Variants in LRSAM1 observed in about 807,000 individuals in gnomAD.
The protein encoded by LRSAM1 is E3 ubiquitin-protein ligase LRSAM1.
A neutral mutation model predicts 118.1 loss-of-function variants in LRSAM1; 96 were observed. That is an observed-to-expected ratio of 0.81 (90% CI 0.69 to 0.96). LRSAM1 has a LOEUF of 0.96. LRSAM1 is among the 40% of genes least tolerant of loss of function. The pLI is 0.00. For missense variants in LRSAM1, 804 were observed against 915.5 expected (o/e 0.88, Z 1.57); for synonymous variants, 322 against 364.2 (o/e 0.88, Z 1.32).
chr9:127,493,906 C>T (rs568415967), intron 21 of LRSAM1, among the ~76,000 whole-genome samples: 29 of 152,218 alleles, frequency 1.9e-4, no homozygotes, highest in Non-Finnish European at 3.8e-4. Flanking sequence ...CGTCCTAGGC[C>T]GGGTCCTGTG....
chr9:127,455,528 A>G (rs1834484780), intron 4 of LRSAM1, 48 bp from the exon 5 acceptor site: 2 of 1,597,048 alleles, frequency 1.3e-6, no homozygotes, highest in African/African-American at 2.7e-5. Flanking sequence ...AGAACAAGCT[A>G]AAAACTGGCA....
At chr9:127,484,536 T>G (rs1373975649) in intron 16 of LRSAM1, among the ~76,000 whole-genome samples, 1 of 151,614 alleles carries the variant, frequency 6.6e-6, no homozygotes, top group Non-Finnish European at 1.5e-5. Context: ...CTAATTTTTT[T>G]TTTTTTTGAG....
At chr9:127,488,675 C>T (rs776726818) in intron 18 of LRSAM1, among the ~76,000 whole-genome samples, 7 of 151,750 alleles carry the variant, frequency 4.6e-5, no homozygotes, top group South Asian at 2.1e-4. Flanking sequence ...TTCACTGCAG[C>T]CTCAAACTCC....
At chr9:127,499,962 A>AAAAT (rs1295994959) in intron 24 of LRSAM1, among the ~76,000 whole-genome samples, 1 of 152,062 alleles carries the variant, frequency 6.6e-6, no homozygotes, top group African/African-American at 2.4e-5. Flanking sequence ...CCTGTTATAA[A>AAAAT]AAATAATGCT....
Position 127,495,952 on chromosome 9 carries a change from T to C in LRSAM1, c.1699-12T>C. ...TTCCTTCCTGCTCATGGTACACGTT[T>C]CTGTCTTGCAGGAAGAGGGGATGGA... is the stretch of plus-strand genomic sequence containing the variant. On this transcript the variant is annotated splice_polypyrimidine_tract_variant and intron_variant, in intron 22 of 25. Coordinates refer to ENST00000300417, the MANE Select transcript of LRSAM1 (RefSeq NM_001005373.4). 6.2e-6 allele frequency: 10 copies of C among 1,612,386 alleles called. No individual in the cohort carries two copies. Among genetic ancestry groups the C allele is most frequent in the Non-Finnish European group, 8.5e-6 (10 of 1,179,892 alleles).
At chr9:127,475,053 A>ATTT (rs1320132200) in intron 11 of LRSAM1, among the ~76,000 whole-genome samples, 3 of 150,902 alleles carry the variant, frequency 2.0e-5, no homozygotes, top group East Asian at 1.9e-4. Flanking sequence ...GGATTTTATT[A>ATTT]TTATTATTAT....
chr9:127,470,676 G>A (rs576404812), intron 10 of LRSAM1, among the ~76,000 whole-genome samples: 5 of 152,160 alleles, frequency 3.3e-5, no homozygotes, highest in Middle Eastern at 3.4e-3. Context: ...GATACCACAC[G>A]GCAAGTGGAA....
intron 24 of LRSAM1, among the ~76,000 whole-genome samples, chr9:127,499,147 A>G (rs1338646412): frequency 6.6e-6 from 1 of 151,618 alleles, no homozygotes; most frequent in Non-Finnish European, 1.5e-5. Flanking sequence ...CCTACGTGGG[A>G]GGATCACTCA....
intron 24 of LRSAM1, among the ~76,000 whole-genome samples, chr9:127,500,374 A>AAAAAAAG (rs1306368505): frequency 1.3e-5 from 2 of 150,634 alleles, no homozygotes; most frequent in South Asian, 2.1e-4. Flanking sequence ...AAAAAAAAAA[A>AAAAAAAG]AGAGACTTAG....
chr9:127,497,073 C>T (rs1836174384), intron 23 of LRSAM1, among the ~76,000 whole-genome samples, 180 bp from the exon 24 acceptor site: 1 of 152,258 alleles, frequency 6.6e-6, no homozygotes, highest in South Asian at 2.1e-4. Flanking sequence ...AGGTTGCCCT[C>T]ACAGCTATGG....
At chr9:127,476,120 G>A (rs571426958) in intron 11 of LRSAM1, among the ~76,000 whole-genome samples, 1 of 152,322 alleles carries the variant, frequency 6.6e-6, no homozygotes, top group South Asian at 2.1e-4. Flanking sequence ...ATGCTTGCAT[G>A]AGGAGACATT....
intron 11 of LRSAM1, among the ~76,000 whole-genome samples, chr9:127,475,553 G>A (rs760948810): frequency 3.6e-4 from 55 of 151,998 alleles, no homozygotes; most frequent in Non-Finnish European, 7.2e-4. Context: ...CAGAGGAGAG[G>A]CATGTTAAGT....
At position 127,474,260 on chromosome 9, in the gene LRSAM1, C is replaced by CT. The variant is rs111823259; in HGVS notation, c.750+345dup. Among the ~76,000 whole-genome samples the CT allele has an allele frequency of 7.9e-3, 1,107 of 139,486 alleles. 3 individuals are homozygous for CT. Among genetic ancestry groups the CT allele is most frequent in the Non-Finnish European group, 9.4e-3 (610 of 64,790 alleles). The allele number at this position is 139,486 out of a possible 152,430, so 91.5% of individuals were successfully genotyped here. A position where few individuals can be genotyped will look rare whatever the true frequency, so the allele number is the denominator to read the frequency against. On this transcript the variant is annotated intron_variant, in intron 11 of 25. Transcript: ENST00000300417. ...CACTCACTTGTCTTATCCTTCAGTT[C>CT]TTTTTTTTTTTTTTTTCCTTTTTTT...
At chr9:127,458,106 C>T (rs1161456867) in intron 6 of LRSAM1, among the ~76,000 whole-genome samples, 1 of 151,826 alleles carries the variant, frequency 6.6e-6, no homozygotes, top group Non-Finnish European at 1.5e-5. Context: ...AGCAGTCAGT[C>T]GTGGTGGCTC....
intron 16 of LRSAM1, among the ~76,000 whole-genome samples, chr9:127,483,989 G>A (rs112275975): frequency 2.0e-5 from 3 of 152,180 alleles, no homozygotes; most frequent in Admixed American, 6.5e-5. Context: ...TAGTTCTGTG[G>A]CATTATTGTT....
At position 127,473,790 on chromosome 9, in the gene LRSAM1, GTC is replaced by G. The variant is rs1468536961; in HGVS notation, c.620-7_620-6del. 26 of 1,613,946 alleles carry G rather than the reference GTC, an allele frequency of 1.6e-5. No homozygotes were observed. The highest frequency in any genetic ancestry group is 2.0e-5 in the Non-Finnish European group (24 of 1,179,976). ...CTCCCTCCTGGTCAGCTTGTGTCCC[GTC>G]TCTTACAGAGTCAGGGCTGGAATAC... On this transcript the variant is annotated splice_polypyrimidine_tract_variant and intron_variant, in intron 10 of 25. Coordinates refer to ENST00000300417, the MANE Select transcript of LRSAM1 (RefSeq NM_001005373.4).
chr9:127,477,814 G>A (rs1025327566), intron 11 of LRSAM1, among the ~76,000 whole-genome samples: 7 of 152,124 alleles, frequency 4.6e-5, no homozygotes, highest in African/African-American at 9.7e-5. Flanking sequence ...TTGGGAGGCC[G>A]AGGCAAATGG....
chr9:127,464,655 T>C (rs1000917114), intron 9 of LRSAM1, among the ~76,000 whole-genome samples: 2 of 151,738 alleles, frequency 1.3e-5, no homozygotes, highest in Non-Finnish European at 2.9e-5. Context: ...TCAATTTTTT[T>C]TTCTTTGAGA....
intron 10 of LRSAM1, among the ~76,000 whole-genome samples, chr9:127,468,043 G>A (rs1835026697): frequency 6.6e-6 from 1 of 152,228 alleles, no homozygotes; most frequent in African/African-American, 2.4e-5. Flanking sequence ...TGGTGCAGCT[G>A]ATTTAGGTTG....
Sources: allele counts gnomAD v4.1 joint callset (sites outside exome capture counted in the v4.1 genomes callset), GRCh38; gene constraint gnomAD v4.1.1; transcripts MANE v1.5; gene names NCBI Gene and HGNC (gene_info 2026-07-23, HGNC 2026-07-21).